BACH2: variants seen among roughly 807,000 people sequenced by gnomAD.
The protein encoded by BACH2 is transcription regulator protein BACH2.
In BACH2, 5 loss-of-function variants were observed where a neutral mutation model predicts 61.8. That is an observed-to-expected ratio of 0.08 (90% CI 0.04 to 0.17). BACH2 has a LOEUF of 0.17. BACH2 is among the 10% of genes least tolerant of loss of function. The pLI, the probability that BACH2 is intolerant of heterozygous loss-of-function variation, is 1.00. For synonymous variants in BACH2, 446 were observed against 440.1 expected, an observed-to-expected ratio of 1.01 and a Z score of -0.17; for missense variants, 824 against 1,091.1, an observed-to-expected ratio of 0.76 and a Z score of 3.45.
intron 2 of BACH2, among the ~76,000 whole-genome samples, chr6:90,255,066 T>C (rs1770933507): frequency 6.6e-6 from 1 of 152,214 alleles, no homozygotes; most frequent in African/African-American, 2.4e-5. Context: ...TCCCCTTTTC[T>C]AGCCCACATA....
chr6:90,264,574 T>C (rs1297845545), intron 2 of BACH2, among the ~76,000 whole-genome samples: 1 of 152,186 alleles, frequency 6.6e-6, no homozygotes, highest in Non-Finnish European at 1.5e-5. Context: ...GCATCACATA[T>C]CCAAAACTTG....
At chr6:89,943,255 G>A (rs1456207739) in intron 7 of BACH2, among the ~76,000 whole-genome samples, 2 of 152,096 alleles carry the variant, frequency 1.3e-5, no homozygotes, top group East Asian at 3.9e-4. Flanking sequence ...AGGCAGAGGG[G>A]AGGCTGTAGG....
intron 4 of BACH2, among the ~76,000 whole-genome samples, chr6:90,138,053 AACACACACACACACACACAC>A (rs10602894): frequency 1.4e-5 from 2 of 143,566 alleles, no homozygotes; most frequent in African/African-American, 2.6e-5. Context: ...CTAATCATAA[AACACACACACACACACACAC>A]ACACACACAC....
chr6:90,124,322 A>C (rs1182545921), intron 4 of BACH2, among the ~76,000 whole-genome samples: 1 of 151,780 alleles, frequency 6.6e-6, no homozygotes, highest in Non-Finnish European at 1.5e-5. Context: ...AAAAGCACAA[A>C]GACAAAAGTA....
chr6:90,169,857 T>A (rs1442214142), intron 4 of BACH2, among the ~76,000 whole-genome samples: 1 of 152,236 alleles, frequency 6.6e-6, no homozygotes, highest in African/African-American at 2.4e-5. Flanking sequence ...TAACAGATAT[T>A]TAGCCCCCTT....
At chr6:90,013,609 C>T (rs982182391) in intron 5 of BACH2, among the ~76,000 whole-genome samples, 2 of 151,660 alleles carry the variant, frequency 1.3e-5, no homozygotes. Context: ...TGGGTTCACG[C>T]CATTCTCCTG....
chr6:89,939,656 CTTT>C (rs71298713), intron 7 of BACH2, among the ~76,000 whole-genome samples: 8 of 82,614 alleles, frequency 9.7e-5, no homozygotes, highest in African/African-American at 1.9e-4. Context: ...GCTTATATTT[CTTT>C]TTTTTTTTTT....
intron 5 of BACH2, among the ~76,000 whole-genome samples, chr6:90,045,155 C>T (rs1202339308): frequency 6.6e-6 from 1 of 152,102 alleles, no homozygotes; most frequent in African/African-American, 2.4e-5. Flanking sequence ...GATGAAAGGG[C>T]ACAGAATTAA....
At chr6:89,965,494 G>A (rs1775001766) in intron 6 of BACH2, among the ~76,000 whole-genome samples, 1 of 152,180 alleles carries the variant, frequency 6.6e-6, no homozygotes, top group African/African-American at 2.4e-5. Context: ...TATGAGTTAA[G>A]CAAGATATTC....
chr6:90,029,862 G>T (rs12215222), intron 5 of BACH2, among the ~76,000 whole-genome samples: 1 of 152,040 alleles, frequency 6.6e-6, no homozygotes, highest in Non-Finnish European at 1.5e-5. Flanking sequence ...CAATGCGACC[G>T]TTAGAGAAAA....
chr6:90,178,930 T>C (rs956645830), intron 4 of BACH2, among the ~76,000 whole-genome samples: 2 of 152,204 alleles, frequency 1.3e-5, no homozygotes, highest in African/African-American at 4.8e-5. Context: ...CATATGCACA[T>C]GTAGGTACTG....
At chr6:90,292,983 T>C (rs965312421) in intron 1 of BACH2, among the ~76,000 whole-genome samples, 7 of 152,214 alleles carry the variant, frequency 4.6e-5, no homozygotes, top group Non-Finnish European at 1.5e-5. Flanking sequence ...CTCCACACTA[T>C]GCCCTGCTCC....
At chr6:90,075,273 T>C (rs1210081951) in intron 5 of BACH2, among the ~76,000 whole-genome samples, 1 of 152,180 alleles carries the variant, frequency 6.6e-6, no homozygotes, top group Non-Finnish European at 1.5e-5. Context: ...CTGACTTTTG[T>C]AGGACTTCAG....
In BACH2 at chr6:89,950,154, T is replaced by C; in HGVS notation, c.1836+116A>G. The C allele has an allele frequency of 1.6e-6, 2 of 1,231,550 alleles. No individual in the cohort carries two copies. Among genetic ancestry groups the C allele is most frequent in the Non-Finnish European group, 1.2e-6 (1 of 839,936 alleles). 76.3% of individuals were successfully genotyped at this position (1,231,550 alleles called of 1,614,324 possible). The stretch of plus-strand genomic sequence containing the variant: ...TGGATGGGGAAGGCAGTCTCTCTAC[T>C]GTCATCTTTAATCTTAGCACGTAAG... On this transcript the variant is annotated intron_variant, in intron 7 of 8. Coordinates refer to ENST00000257749, the MANE Select transcript of BACH2 (RefSeq NM_021813.4). This position sits in a 1 kb window ranked among gnomAD's most constrained non-coding sequence, Gnocchi z 5.3.
At chr6:90,020,793 C>A (rs551711157) in intron 5 of BACH2, among the ~76,000 whole-genome samples, 9 of 152,262 alleles carry the variant, frequency 5.9e-5, no homozygotes, top group South Asian at 4.1e-4. Flanking sequence ...CTCCGCCCCC[C>A]ACTCCTCCAT....
At chr6:90,173,373 T>A (rs1767882341) in intron 4 of BACH2, among the ~76,000 whole-genome samples, 3 of 152,096 alleles carry the variant, frequency 2.0e-5, no homozygotes, top group Admixed American at 6.5e-5. Flanking sequence ...AGCAACTTTA[T>A]CCACAATAGT....
At chr6:90,184,042 T>C (rs1768261466) in intron 4 of BACH2, among the ~76,000 whole-genome samples, 2 of 152,224 alleles carry the variant, frequency 1.3e-5, no homozygotes, top group South Asian at 2.1e-4. Context: ...ATAACCTCTA[T>C]AGCTATTTCT....
intron 5 of BACH2, among the ~76,000 whole-genome samples, chr6:90,077,258 C>T (rs1781512311): frequency 6.6e-6 from 1 of 152,060 alleles, no homozygotes; most frequent in African/African-American, 2.4e-5. Context: ...ACAGAAACTT[C>T]GGTCTATGGC....
At chr6:89,935,772 C>T (rs1319735372) in intron 8 of BACH2, among the ~76,000 whole-genome samples, 1 of 152,112 alleles carries the variant, frequency 6.6e-6, no homozygotes, top group Non-Finnish European at 1.5e-5. Context: ...ATTACCAAAA[C>T]CAGGCATTTC....
Sources: allele counts gnomAD v4.1 joint callset (sites outside exome capture counted in the v4.1 genomes callset), GRCh38; gene constraint gnomAD v4.1.1; non-coding constraint Gnocchi (gnomAD v3.1); transcripts MANE v1.5; gene names NCBI Gene and HGNC (gene_info 2026-07-23, HGNC 2026-07-21).